TUSC3: variants seen among roughly 807,000 people sequenced by gnomAD.
The protein encoded by TUSC3 is dolichyl-diphosphooligosaccharide--protein glycosyltransferase subunit TUSC3.
A neutral mutation model predicts 44.8 loss-of-function variants in TUSC3; 45 were observed. The ratio of observed to expected loss-of-function variants is 1.00; its 90% CI spans 0.79 to 1.29. The LOEUF (loss-of-function observed/expected upper bound fraction) is 1.29. Among genes scored for constraint, TUSC3 ranks in the 50% most tolerant of loss-of-function variants. The probability of loss-of-function intolerance (pLI) is 0.00; values close to 1 mark genes in which losing one functional copy is unlikely to be tolerated. For synonymous variants in TUSC3, 212 were observed against 152.9 expected (o/e 1.39, Z -2.85); for missense variants, 519 against 437.9 (o/e 1.19, Z -1.65).
intron 3 of TUSC3, among the ~76,000 whole-genome samples, chr8:15,656,180 C>A (rs1177691149): frequency 6.6e-6 from 1 of 152,186 alleles, no homozygotes; most frequent in Non-Finnish European, 1.5e-5. Context: ...AAACTCATGT[C>A]TTTCTCACAC....
At chr8:15,487,780 G>C (rs112127350) in intron 2 of TUSC3, among the ~76,000 whole-genome samples, 1 of 152,080 alleles carries the variant, frequency 6.6e-6, no homozygotes, top group Admixed American at 6.6e-5. Flanking sequence ...TCCCATGTTA[G>C]ATGTTTCCAA....
chr8:15,777,568 G>A, the TUSC3 span, among the ~76,000 whole-genome samples: 7 of 152,124 alleles, frequency 4.6e-5, no homozygotes. Flanking sequence ...CAGATATGAA[G>A]CATATAAATG....
chr8:15,441,831 T>C (rs1203353333), intron 1 of TUSC3, among the ~76,000 whole-genome samples: 1 of 152,018 alleles, frequency 6.6e-6, no homozygotes, highest in Non-Finnish European at 1.5e-5. Flanking sequence ...AGCTTTTTGA[T>C]TATGCTTCTC....
chr8:15,535,344 T>C (rs1801506560), upstream of TUSC3, among the ~76,000 whole-genome samples: 1 of 152,188 alleles, frequency 6.6e-6, no homozygotes, highest in African/African-American at 2.4e-5. Context: ...TAGTAGAGTG[T>C]CACTGACAAT....
chr8:15,582,979 T>C (rs1445546624), intron 1 of TUSC3, among the ~76,000 whole-genome samples: 1 of 152,194 alleles, frequency 6.6e-6, no homozygotes, highest in South Asian at 2.1e-4. Context: ...ATCTTACATT[T>C]AGAGATCTGT....
chr8:15,461,901 T>C (rs966989169), intron 1 of TUSC3, among the ~76,000 whole-genome samples: 6 of 152,050 alleles, frequency 3.9e-5, no homozygotes, highest in Non-Finnish European at 8.8e-5. Flanking sequence ...AAAAAAATAC[T>C]GTATGAAACT....
chr8:15,498,586 C>A (rs904293324), intron 2 of TUSC3, among the ~76,000 whole-genome samples: 6 of 152,160 alleles, frequency 3.9e-5, no homozygotes, highest in Admixed American at 1.3e-4. Flanking sequence ...TGATTAATTG[C>A]ACAAGTGCAG....
intron 2 of TUSC3, among the ~76,000 whole-genome samples, chr8:15,531,930 G>T (rs1264895896): frequency 6.6e-6 from 1 of 152,184 alleles, no homozygotes; most frequent in Non-Finnish European, 1.5e-5. Context: ...AAACTGTCAT[G>T]AAATTGTCTT....
At chr8:15,652,199 T>C (rs1464280145) in intron 3 of TUSC3, among the ~76,000 whole-genome samples, 1 of 152,222 alleles carries the variant, frequency 6.6e-6, no homozygotes, top group Non-Finnish European at 1.5e-5. Flanking sequence ...TATCTTGGTC[T>C]ATCTCACATG....
At chr8:15,531,167 C>T (rs73538405) in intron 2 of TUSC3, among the ~76,000 whole-genome samples, 2,635 of 152,284 alleles carry the variant, frequency 0.017, 73 homozygotes, top group African/African-American at 0.057. Flanking sequence ...AATAAAATCC[C>T]AGGTTCAAAG....
intron 1 of TUSC3, among the ~76,000 whole-genome samples, chr8:15,594,206 A>G (rs918235349): frequency 6.6e-6 from 1 of 152,042 alleles, no homozygotes; most frequent in Non-Finnish European, 1.5e-5. Flanking sequence ...TAATCTTTTC[A>G]TCTGCTGTTA....
the TUSC3 span, among the ~76,000 whole-genome samples, chr8:15,789,103 T>A: frequency 6.6e-6 from 1 of 152,218 alleles, no homozygotes; most frequent in South Asian, 2.1e-4. Context: ...CCCATGACTA[T>A]GAACAAATAG....
At chr8:15,804,987 G>A in the TUSC3 span, among the ~76,000 whole-genome samples, 2 of 152,024 alleles carry the variant, frequency 1.3e-5, no homozygotes, top group Non-Finnish European at 2.9e-5. Context: ...ATTTGTTTGT[G>A]TCATCTGTAT....
At chr8:15,807,744 A>T in the TUSC3 span, among the ~76,000 whole-genome samples, 3 of 152,192 alleles carry the variant, frequency 2.0e-5, no homozygotes, top group Admixed American at 2.0e-4. Flanking sequence ...CCATTATCCC[A>T]AACAAATTAA....
At chr8:15,601,928 G>C in intron 1 of TUSC3, among the ~76,000 whole-genome samples, 1 of 140,630 alleles carries the variant, frequency 7.1e-6, no homozygotes, top group African/African-American at 2.6e-5. Flanking sequence ...TTTTTTTTTA[G>C]TTTCCAGAAT....
chr8:15,557,838 T>A (rs1171551975), intron 1 of TUSC3, among the ~76,000 whole-genome samples: 1 of 125,862 alleles, frequency 7.9e-6, no homozygotes, highest in Admixed American at 8.3e-5. Context: ...TGCTTGTGAT[T>A]TTTGTACATT....
chr8:15,790,022 C>T, the TUSC3 span, among the ~76,000 whole-genome samples: 7 of 151,988 alleles, frequency 4.6e-5, no homozygotes, highest in African/African-American at 1.7e-4. Context: ...GAACCCAGAG[C>T]CAGAAGCATG....
At chr8:15,784,933 G>A in the TUSC3 span, among the ~76,000 whole-genome samples, 1 of 152,092 alleles carries the variant, frequency 6.6e-6, no homozygotes, top group Non-Finnish European at 1.5e-5. Flanking sequence ...ATAAGTATGT[G>A]AGATGATGGA....
chr8:15,751,292 T>A (rs1811691183), intron 9 of TUSC3, among the ~76,000 whole-genome samples: 1 of 152,114 alleles, frequency 6.6e-6, no homozygotes, highest in Non-Finnish European at 1.5e-5. Context: ...GTCTCAGATG[T>A]TGGAAAAAGT....
Sources: gnomAD v4.1 joint callset for allele counts (sites outside exome capture counted in the v4.1 genomes callset) on GRCh38, gnomAD v4.1.1 for gene constraint, MANE v1.5 for transcripts, NCBI Gene and HGNC (gene_info 2026-07-23, HGNC 2026-07-21) for gene names.